PIAS2: variants seen among roughly 807,000 people sequenced by gnomAD.
The protein encoded by PIAS2 is protein inhibitor of activated STAT 2, also known as E3 SUMO-protein ligase PIAS2.
PIAS2 carries 19 observed loss-of-function variants against 69.7 expected under a neutral mutation model. That is an observed-to-expected ratio of 0.27 (90% CI 0.19 to 0.40). PIAS2 has a LOEUF of 0.40. PIAS2 is among the 10% of genes least tolerant of loss of function. The probability of loss-of-function intolerance (pLI) is 1.00; values close to 1 mark genes in which losing one functional copy is unlikely to be tolerated. For synonymous variants in PIAS2, 261 were observed against 263.2 expected, an observed-to-expected ratio of 0.99 and a Z score of 0.08; for missense variants, 624 against 757.0, an observed-to-expected ratio of 0.82 and a Z score of 2.06.
intron 2 of PIAS2, among the ~76,000 whole-genome samples, chr18:46,870,597 C>A (rs866815289): frequency 1.9e-5 from 2 of 106,158 alleles, no homozygotes; most frequent in Admixed American, 1.6e-4. Context: ...GCCTGGGCAA[C>A]AGAGCAAGAC....
At chr18:46,885,333 AT>A (rs2093448980) in intron 2 of PIAS2, among the ~76,000 whole-genome samples, 1 of 152,044 alleles carries the variant, frequency 6.6e-6, no homozygotes, top group African/African-American at 2.4e-5. Flanking sequence ...CCTGGCCAAC[AT>A]AGTGAAACCC....
chr18:46,909,242 G>T (rs1233885878), intron 1 of PIAS2, among the ~76,000 whole-genome samples: 1 of 152,100 alleles, frequency 6.6e-6, no homozygotes, highest in Non-Finnish European at 1.5e-5. Flanking sequence ...CTAAAAGGTG[G>T]TATTTTATAC....
At chr18:46,846,584 A>T in intron 6 of PIAS2, 123 bp downstream of exon 6, 1 of 964,660 alleles carries the variant, frequency 1.0e-6, no homozygotes. Flanking sequence ...ACTGAAAATT[A>T]CTGCTTTTTA....
At chr18:46,829,217 G>C (rs988805535) in intron 10 of PIAS2, among the ~76,000 whole-genome samples, 3 of 152,164 alleles carry the variant, frequency 2.0e-5, no homozygotes, top group Middle Eastern at 3.2e-3. Context: ...ATGGATGCAG[G>C]CAGTTGATGG....
chr18:46,832,513 T>C (rs114368266), intron 9 of PIAS2, among the ~76,000 whole-genome samples: 1,989 of 152,136 alleles, frequency 0.013, 42 homozygotes, highest in African/African-American at 0.044. Context: ...CGCAAAAAGA[T>C]GCTCAAAACA....
At chr18:46,844,703 TA>T in intron 7 of PIAS2, 30 bp downstream of exon 7, 14 of 804,428 alleles carry the variant, frequency 1.7e-5, no homozygotes, top group East Asian at 5.8e-5. Context: ...TTTTTTTTTT[TA>T]AATGCTTGGT....
Position 46,917,043 on chromosome 18 carries a change from G to C in PIAS2, c.24+279C>G, listed in dbSNP as rs1014662382. The C allele has an allele frequency of 5.1e-6, 5 of 987,852 alleles. No individual in the cohort carries two copies. In the African/African-American group the frequency reaches 8.7e-5, roughly 17 times the overall value. 61.2% of individuals were successfully genotyped at this position (987,852 alleles called of 1,614,324 possible). A position where few individuals can be genotyped will look rare whatever the true frequency, so the allele number is the denominator to read the frequency against. On this transcript the variant is annotated intron_variant, in intron 1 of 13. Transcript: ENST00000585916. Reference sequence around the variant, plus strand: ...CGGGTCCCCATGTGCCCCTCCTGGAGGGCGCCCCGACCCCCCGCGCCAGGT... The same window carrying C: ...CGGGTCCCCATGTGCCCCTCCTGGACGGCGCCCCGACCCCCCGCGCCAGGT...
At chr18:46,873,191 A>G (rs984057990) in intron 2 of PIAS2, among the ~76,000 whole-genome samples, 3 of 152,250 alleles carry the variant, frequency 2.0e-5, no homozygotes, top group African/African-American at 7.2e-5. Context: ...CTTAAAAGGC[A>G]GGAAGATGGC....
rs998249836 is a variant in PIAS2, at chr18:46,815,563, C to A, written c.1649-214G>T. The A allele has an allele frequency of 4.1e-6, 5 of 1,211,542 alleles. No individual in the cohort carries two copies. In the African/African-American group the frequency reaches 4.7e-5, roughly 11 times the overall value. 75.0% of individuals were successfully genotyped at this position (1,211,542 alleles called of 1,614,324 possible). A position where few individuals can be genotyped will look rare whatever the true frequency, so the allele number is the denominator to read the frequency against. On this transcript the variant is annotated intron_variant, in intron 12 of 13. Transcript: ENST00000585916. ...ATAAAACAACTGGAAAAACTAGCTC[C>A]CAGAGACTCAAATGCAGAAGTCCAA...
In PIAS2 at chr18:46,820,371, T is replaced by G. The variant is rs552817799; in HGVS notation, c.1648+562A>C. ...GTATAGAAAAGAACAGTATATAGGG[T>G]TCTGTAATATCTGTGGTTTCAGACA... On this transcript the variant is annotated intron_variant, in intron 12 of 13. Transcript: ENST00000585916. Among the ~76,000 whole-genome samples, 166 of 152,258 alleles carry G rather than the reference T, an allele frequency of 1.1e-3. 2 individuals are homozygous for G. The South Asian group carries it at 0.034, about 31-fold the overall frequency.
rs2040966180 is a variant in PIAS2 at position 46,811,037 on chromosome 18, C to T, written c.*1396G>A. 1 of 151,952 alleles carries T rather than the reference C, an allele frequency of 6.6e-6. No individual in the cohort carries two copies. The allele number at this position is 151,952 out of a possible 1,614,324, so 9.4% of individuals were successfully genotyped here. ...TGAAAATGTTTCTCTAAGAGTAAAA[C>T]CCAGTTTTCTCTGTGATTTAAAATC... On this transcript the variant is annotated 3_prime_UTR_variant, in exon 14 of 14. Transcript: ENST00000585916.
intron 1 of PIAS2, among the ~76,000 whole-genome samples, chr18:46,891,819 G>A (rs1244297325): frequency 6.6e-6 from 1 of 152,104 alleles, no homozygotes; most frequent in African/African-American, 2.4e-5. Context: ...ATAAGCAGTT[G>A]CAGCTTCACA....
At chr18:46,919,973 G>T, upstream of PIAS2, 1 of 874,816 alleles carries the variant, frequency 1.1e-6, no homozygotes, top group Non-Finnish European at 1.6e-6. Context: ...ATACAGCCCT[G>T]CCACAGAGGA....
At chr18:46,898,854 C>A (rs1455662541) in intron 1 of PIAS2, among the ~76,000 whole-genome samples, 1 of 151,542 alleles carries the variant, frequency 6.6e-6, no homozygotes, top group African/African-American at 2.4e-5. Context: ...ATTAGCCGGG[C>A]GTGATGGGAG....
intron 9 of PIAS2, among the ~76,000 whole-genome samples, chr18:46,834,581 G>C (rs1417617026): frequency 6.6e-6 from 1 of 152,136 alleles, no homozygotes; most frequent in African/African-American, 2.4e-5. Flanking sequence ...TTTTCAATTA[G>C]GAAATTAGTA....
intron 5 of PIAS2, among the ~76,000 whole-genome samples, chr18:46,851,836 G>A (rs957883794): frequency 6.6e-5 from 10 of 152,258 alleles, no homozygotes; most frequent in African/African-American, 2.4e-4. Context: ...TAAAGACTGG[G>A]TATTACAGTA....
chr18:46,858,621 C>T (rs903184027), intron 3 of PIAS2, among the ~76,000 whole-genome samples: 5 of 152,080 alleles, frequency 3.3e-5, no homozygotes, highest in Non-Finnish European at 7.4e-5. Context: ...CAATTGAGCC[C>T]GGACATTAAA....
At chr18:46,912,238 T>C (rs1300992758) in intron 1 of PIAS2, among the ~76,000 whole-genome samples, 1 of 152,226 alleles carries the variant, frequency 6.6e-6, no homozygotes, top group Non-Finnish European at 1.5e-5. Flanking sequence ...CCCCTGCAGA[T>C]ACCAAAATCC....
In PIAS2 at chr18:46,855,622, G is replaced by A. The variant is rs2047627851; in HGVS notation, c.585-7C>T. 6.2e-7 allele frequency: 1 copy of A among 1,607,810 alleles called. No individual in the cohort carries two copies. The highest frequency in any genetic ancestry group is 2.2e-5 in the East Asian group (1 of 44,810). Reference sequence around the variant, plus strand: ...ACCACCTGGCAAAAAATCCCTGTTGGAAAGAGAAAGAAAATGGGTTAAAAA... The same window carrying A: ...ACCACCTGGCAAAAAATCCCTGTTGAAAAGAGAAAGAAAATGGGTTAAAAA... On this transcript the variant is annotated splice_polypyrimidine_tract_variant and splice_region_variant and intron_variant, in intron 3 of 13. Coordinates refer to ENST00000585916, the MANE Select transcript of PIAS2 (RefSeq NM_004671.5).
Sources: gnomAD v4.1 joint callset for allele counts (sites outside exome capture counted in the v4.1 genomes callset) on GRCh38, gnomAD v4.1.1 for gene constraint, MANE v1.5 for transcripts, NCBI Gene and HGNC (gene_info 2026-07-23, HGNC 2026-07-21) for gene names.